The following RELN variants were observed in gnomAD, a reference collection of about 807,000 sequenced individuals.
RELN encodes reelin.
RELN carries 108 observed loss-of-function variants against 427.6 expected under a neutral mutation model. That is an observed-to-expected ratio of 0.25 (90% confidence interval 0.22 to 0.30). RELN has a LOEUF of 0.30. Ranked by LOEUF, RELN falls within the 10% of genes least tolerant of loss-of-function variation. The pLI is 1.00. For synonymous variants in RELN, 1,524 were observed against 1,513.4 expected (o/e 1.01, Z -0.16); for missense variants, 3,715 against 4,302.8 (o/e 0.86, Z 3.82).
At chr7:103,614,676 G>C (rs1190707154) in intron 20 of RELN, among the ~76,000 whole-genome samples, 1 of 152,182 alleles carries the variant, frequency 6.6e-6, no homozygotes. Context: ...ACAAATGACA[G>C]ATAAGCCTCT....
intron 28 of RELN, among the ~76,000 whole-genome samples, chr7:103,576,222 G>A (rs1562900939): frequency 1.3e-5 from 2 of 152,056 alleles, no homozygotes; most frequent in Non-Finnish European, 2.9e-5. Context: ...GTGACAGGGC[G>A]AGACTCCGTC....
rs193140517 is a variant in RELN, at chr7:103,676,208, C to A, written c.1289+5908G>T. 4.2e-3 allele frequency among the ~76,000 whole-genome samples: 643 copies of A among 152,166 alleles called. 3 individuals are homozygous for A. Among genetic ancestry groups the A allele is most frequent in the East Asian group, 7.4e-3 (38 of 5,162 alleles). ...AATTTACAAGAAAAAAATAAAAAAA[C>A]CCCATCAAAAAGTGGGCAAAGGCTA... On this transcript the variant is annotated intron_variant, in intron 11 of 64. Transcript: ENST00000428762.
Position 103,753,192 on chromosome 7 carries a change from G to A in RELN, c.567C>T (p.His189=). The change falls in exon 5 of 65, where the codon CAC becomes CAT. Residue 189 remains histidine (H), a synonymous_variant. Coordinates refer to ENST00000428762, the MANE Select transcript of RELN (RefSeq NM_005045.4). Reference sequence around the variant, plus strand: ...GTCTTAAACACTTACCTAGATGTGGGTGCACAGTGACATCTGTTGGAGCTG... The same window carrying A: ...GTCTTAAACACTTACCTAGATGTGGATGCACAGTGACATCTGTTGGAGCTG... ...EQGAPTDVTV[H]PHLAEIHSDS... is the part of the protein sequence containing the mutation. The A allele has an allele frequency of 6.2e-7, 1 of 1,613,982 alleles. No homozygotes were observed. Among genetic ancestry groups the A allele is most frequent in the Non-Finnish European group, 8.5e-7 (1 of 1,179,912 alleles).
chr7:103,906,114 G>A (rs1021993467), intron 2 of RELN, among the ~76,000 whole-genome samples: 5 of 152,124 alleles, frequency 3.3e-5, no homozygotes, highest in Non-Finnish European at 7.4e-5. Flanking sequence ...AAAAGAGGCT[G>A]AGAAGAGGTG....
chr7:103,692,205 G>A (rs1833886531), intron 10 of RELN, among the ~76,000 whole-genome samples: 4 of 152,106 alleles, frequency 2.6e-5, no homozygotes. Flanking sequence ...TCACGAAGGG[G>A]CAAGGAGCCC....
At chr7:103,801,734 A>G (rs1004667994) in intron 3 of RELN, among the ~76,000 whole-genome samples, 3 of 152,042 alleles carry the variant, frequency 2.0e-5, no homozygotes, top group African/African-American at 2.4e-5. Flanking sequence ...TATAAAAAAA[A>G]AAAAGTGACA....
chr7:103,540,105 C>A, intron 44 of RELN, 92 bp downstream of exon 44: 1 of 1,439,238 alleles, frequency 6.9e-7, no homozygotes, highest in Non-Finnish European at 9.7e-7. Context: ...TGGGTTTCAT[C>A]TACTGAGCAA....
chr7:103,785,149 T>C (rs997524862), intron 3 of RELN, among the ~76,000 whole-genome samples: 3 of 152,152 alleles, frequency 2.0e-5, no homozygotes, highest in African/African-American at 7.2e-5. Context: ...TTCCAGAGTA[T>C]CCTTAAACTA....
chr7:103,795,930 C>T (rs967280697), intron 3 of RELN, among the ~76,000 whole-genome samples: 7 of 152,158 alleles, frequency 4.6e-5, no homozygotes, highest in South Asian at 2.1e-4. Flanking sequence ...AAAGAAATCA[C>T]ATTTTCATTT....
At chr7:103,657,156 T>C (rs1323531548) in intron 12 of RELN, among the ~76,000 whole-genome samples, 2 of 152,028 alleles carry the variant, frequency 1.3e-5, no homozygotes, top group African/African-American at 2.4e-5. Context: ...ATGGTGACAA[T>C]GTATATCTCA....
intron 2 of RELN, among the ~76,000 whole-genome samples, chr7:103,870,551 T>C (rs1009041683): frequency 1.3e-5 from 2 of 152,036 alleles, no homozygotes; most frequent in African/African-American, 4.8e-5. Flanking sequence ...CAAGTACTGG[T>C]AATTCTAGAG....
Position 103,661,542 on chromosome 7 carries a change from G to T in RELN, c.1290-15C>A, listed in dbSNP as rs781624304. ...AGACATCCCATCTAAAAAAAAAGGG[G>T]GATTAAGAGTTAGAGTTAGAATATT... is the stretch of plus-strand genomic sequence containing the variant. On this transcript the variant is annotated splice_polypyrimidine_tract_variant and intron_variant, in intron 11 of 64. Transcript: ENST00000428762. 2 of 1,612,120 alleles carry T rather than the reference G, an allele frequency of 1.2e-6. No individual in the cohort carries two copies. The highest frequency in any genetic ancestry group is 1.1e-5 in the South Asian group (1 of 91,004).
chr7:103,593,610 G>T, intron 27 of RELN, 72 bp downstream of exon 27: 1 of 1,302,756 alleles, frequency 7.7e-7, no homozygotes, highest in Non-Finnish European at 1.1e-6. Flanking sequence ...TGTTCTTTGT[G>T]AGTTCCACTT....
At chr7:103,703,940 C>T (rs1055388348) in intron 8 of RELN, among the ~76,000 whole-genome samples, 1 of 152,182 alleles carries the variant, frequency 6.6e-6, no homozygotes, top group Non-Finnish European at 1.5e-5. Flanking sequence ...GTAAAAGTGA[C>T]TAAGGGTTTC....
chr7:103,869,996 T>C (rs192877714), intron 2 of RELN, among the ~76,000 whole-genome samples: 6 of 152,266 alleles, frequency 3.9e-5, no homozygotes, highest in Admixed American at 3.9e-4. Context: ...TGATTCTTTC[T>C]TCTGCCATCC....
intron 3 of RELN, among the ~76,000 whole-genome samples, chr7:103,816,939 C>T (rs1010180783): frequency 6.6e-6 from 1 of 152,094 alleles, no homozygotes; most frequent in East Asian, 1.9e-4. Flanking sequence ...GCAACCTCCA[C>T]CTCCCAGGTT....
rs1006774031 is a variant in RELN, at chr7:103,866,435, G to A, written c.338-32763C>T. ...ATGAGCTGGCTTCTCTTTAGGGATG[G>A]ATATAGCTTTGGTAACCCAATTTTT... On this transcript the variant is annotated intron_variant, in intron 2 of 64. Transcript: ENST00000428762. Among the ~76,000 whole-genome samples the A allele has an allele frequency of 2.2e-4, 34 of 152,078 alleles. 1 individual carries two copies. In the East Asian group the frequency reaches 6.6e-3, roughly 29 times the overall value.
In RELN at chr7:103,988,731, C is replaced by T. The variant is rs549154269; in HGVS notation, c.226+400G>A. Among the ~76,000 whole-genome samples, 1 of 152,170 alleles carries T rather than the reference C, an allele frequency of 6.6e-6. No homozygotes were observed. The highest frequency in any genetic ancestry group is 6.5e-5 in the Admixed American group (1 of 15,282). On this transcript the variant is annotated intron_variant, in intron 1 of 64. Coordinates refer to ENST00000428762, the MANE Select transcript of RELN (RefSeq NM_005045.4). This position sits in a 1 kb window ranked among gnomAD's most constrained non-coding sequence, Gnocchi z 4.9. ...CCAGCGACAGCCCCCAACGCCCCCC[C>T]GGGGACCCATCTGGGGGGACCGGGA...
intron 2 of RELN, among the ~76,000 whole-genome samples, chr7:103,909,962 G>C (rs1795326742): frequency 1.4e-5 from 2 of 142,836 alleles, no homozygotes; most frequent in South Asian, 4.3e-4. Context: ...GTCATTGGTA[G>C]CTTGATGGGG....
Sources: allele counts gnomAD v4.1 joint callset (sites outside exome capture counted in the v4.1 genomes callset), GRCh38; gene constraint gnomAD v4.1.1; non-coding constraint Gnocchi (gnomAD v3.1); transcripts MANE v1.5; gene names NCBI Gene and HGNC (gene_info 2026-07-23, HGNC 2026-07-21).